The following ATP2B2 variants were observed in gnomAD, a reference collection of about 807,000 sequenced individuals.
ATP2B2 encodes plasma membrane calcium-transporting ATPase 2.
ATP2B2 carries 15 observed loss-of-function variants against 120.0 expected under a neutral mutation model. The ratio of observed to expected loss-of-function variants is 0.12; its 90% CI spans 0.08 to 0.19. The LOEUF is 0.19. Among genes scored for constraint, ATP2B2 ranks in the 10% least tolerant of loss-of-function variants. The pLI is 1.00. For missense variants in ATP2B2, 1,045 were observed against 1,719.8 expected (o/e 0.61, Z 6.94); for synonymous variants, 694 against 700.3 (o/e 0.99, Z 0.14).
chr3:10,418,842 C>G (rs566249811), intron 2 of ATP2B2, among the ~76,000 whole-genome samples: 2 of 152,334 alleles, frequency 1.3e-5, no homozygotes, highest in Non-Finnish European at 2.9e-5. Flanking sequence ...CCCAGAGTCA[C>G]CCAGGCCACC....
chr3:10,501,972 C>T (rs919381699), intron 1 of ATP2B2, among the ~76,000 whole-genome samples: 2 of 152,146 alleles, frequency 1.3e-5, no homozygotes, highest in Admixed American at 6.5e-5. Flanking sequence ...CAGAAATCTG[C>T]CCCCATCAGG....
At chr3:10,354,185 T>C (rs555747927) in intron 14 of ATP2B2, among the ~76,000 whole-genome samples, 4 of 152,314 alleles carry the variant, frequency 2.6e-5, no homozygotes, top group African/African-American at 9.6e-5. Context: ...CAGGATGTTT[T>C]CTTAAGCTGC....
At chr3:10,473,850 A>T (rs571043071) in intron 1 of ATP2B2, among the ~76,000 whole-genome samples, 4 of 152,344 alleles carry the variant, frequency 2.6e-5, no homozygotes, top group African/African-American at 7.2e-5. Context: ...AGGCAAAGTG[A>T]GTTCAGAGAA....
At chr3:10,617,816 C>T (rs1008885325) in intron 2 of ATP2B2, among the ~76,000 whole-genome samples, 4 of 151,686 alleles carry the variant, frequency 2.6e-5, no homozygotes, top group Non-Finnish European at 4.4e-5. Context: ...ACCAGGAAGA[C>T]GCAAAGCTGG....
chr3:10,471,118 A>G (rs1025799243), intron 1 of ATP2B2, among the ~76,000 whole-genome samples: 1 of 152,196 alleles, frequency 6.6e-6, no homozygotes, highest in Non-Finnish European at 1.5e-5. Flanking sequence ...GCCCAGTCCA[A>G]CTTGCCCGGG....
At chr3:10,488,461 AAATTCCTTCCTTCCTT>A (rs2065802257) in intron 1 of ATP2B2, among the ~76,000 whole-genome samples, 1 of 97,020 alleles carries the variant, frequency 1.0e-5, no homozygotes, top group African/African-American at 3.6e-5. Flanking sequence ...ACCACCCTAC[AAATTCCTTCCTTCCTT>A]CCTTCCTTCC....
intron 1 of ATP2B2, among the ~76,000 whole-genome samples, chr3:10,674,129 C>A (rs2071187526): frequency 6.6e-6 from 1 of 152,188 alleles, no homozygotes; most frequent in Non-Finnish European, 1.5e-5. Flanking sequence ...AGGAGTACAA[C>A]CATCTGCCTT....
chr3:10,674,746 T>G (rs2071201303), intron 1 of ATP2B2, among the ~76,000 whole-genome samples: 1 of 152,218 alleles, frequency 6.6e-6, no homozygotes, highest in African/African-American at 2.4e-5. Flanking sequence ...CCATTTGAAA[T>G]GCCAGTTCAT....
intron 2 of ATP2B2, among the ~76,000 whole-genome samples, chr3:10,594,143 G>A (rs2068707595): frequency 6.6e-6 from 1 of 152,218 alleles, no homozygotes; most frequent in Non-Finnish European, 1.5e-5. Flanking sequence ...TTCAACCATT[G>A]TGGAAGACAG....
intron 1 of ATP2B2, among the ~76,000 whole-genome samples, chr3:10,644,081 A>G (rs2070248422): frequency 6.6e-6 from 1 of 152,236 alleles, no homozygotes; most frequent in African/African-American, 2.4e-5. Flanking sequence ...TCAACAATAA[A>G]AAGGCAAACA....
chr3:10,632,359 A>G (rs1448625278), intron 1 of ATP2B2, among the ~76,000 whole-genome samples: 2 of 152,176 alleles, frequency 1.3e-5, no homozygotes, highest in Non-Finnish European at 2.9e-5. Context: ...TGACATCAGC[A>G]TGGCCCTGGA....
Position 10,410,752 on chromosome 3 carries a change from G to C in ATP2B2, c.263C>G (p.Pro88Arg). 1 of 1,614,188 alleles carries C rather than the reference G, an allele frequency of 6.2e-7. No homozygotes were observed. Among genetic ancestry groups the C allele is most frequent in the Non-Finnish European group, 8.5e-7 (1 of 1,180,048 alleles). Residue 88 changes from proline to arginine, a missense_variant, in exon 3 of 23, where the codon CCT becomes CGT. Transcript: ENST00000360273. The part of the protein sequence containing the change: ...RKQIFGQNFI[P>R]PKKPKTFLQL... ...CAGGAAGGTTTTTGGCTTCTTTGGA[G>C]GTATAAAGTTTTGCCCAAAAATTTG...
intron 1 of ATP2B2, among the ~76,000 whole-genome samples, chr3:10,624,591 A>C (rs922155021): frequency 4.6e-5 from 7 of 152,214 alleles, no homozygotes; most frequent in Non-Finnish European, 2.9e-5. Context: ...TTTAGCAAGC[A>C]GCACGGCTTT....
chr3:10,326,473 G>A lies in ATP2B2; in HGVS notation c.*2341C>T. 8.0e-6 allele frequency: 3 copies of A among 377,152 alleles called. 1 individual carries two copies. The highest frequency in any genetic ancestry group is 1.4e-5 in the Non-Finnish European group (3 of 212,806). 23.4% of individuals were successfully genotyped at this position (377,152 alleles called of 1,614,324 possible). On this transcript the variant is annotated 3_prime_UTR_variant, in exon 23 of 23. Transcript: ENST00000360273. ...AGCTATCCTGATGTCATGGAACGAG[G>A]TCACGGACACATGACTGATCAAAGA...
At chr3:10,365,807 T>C (rs1397566372) in intron 12 of ATP2B2, among the ~76,000 whole-genome samples, 2 of 12,698 alleles carry the variant, frequency 1.6e-4, no homozygotes, top group Non-Finnish European at 4.5e-4. Flanking sequence ...AGTGTATGTG[T>C]TGTATGTGCT....
chr3:10,416,595 C>T (rs2062789862), intron 2 of ATP2B2, among the ~76,000 whole-genome samples: 1 of 152,198 alleles, frequency 6.6e-6, no homozygotes, highest in Non-Finnish European at 1.5e-5. Context: ...GTCTGACAAA[C>T]TCCAGCCCCA....
At chr3:10,496,873 T>C (rs912674452) in intron 1 of ATP2B2, among the ~76,000 whole-genome samples, 1 of 151,162 alleles carries the variant, frequency 6.6e-6, no homozygotes, top group Non-Finnish European at 1.5e-5. Flanking sequence ...CCCAGGTCTT[T>C]GTCCTCCCCC....
At chr3:10,335,832 G>A (rs2125345501) in intron 22 of ATP2B2, among the ~76,000 whole-genome samples, 1 of 152,264 alleles carries the variant, frequency 6.6e-6, no homozygotes, top group Middle Eastern at 3.4e-3. Flanking sequence ...GGTGGGTTGG[G>A]ACCATTTGGT....
At chr3:10,472,536 A>G (rs1263767763) in intron 1 of ATP2B2, among the ~76,000 whole-genome samples, 1 of 152,116 alleles carries the variant, frequency 6.6e-6, no homozygotes, top group Non-Finnish European at 1.5e-5. Flanking sequence ...TTGAGAGCTG[A>G]GCAGCCAAAA....
Sources: allele counts gnomAD v4.1 joint callset (sites outside exome capture counted in the v4.1 genomes callset), GRCh38; gene constraint gnomAD v4.1.1; transcripts MANE v1.5; gene names NCBI Gene and HGNC (gene_info 2026-07-23, HGNC 2026-07-21).